The following RIMS1 variants were observed in gnomAD, a reference collection of about 807,000 sequenced individuals.
RIMS1 encodes regulating synaptic membrane exocytosis 1.
A neutral mutation model predicts 214.1 loss-of-function variants in RIMS1; 83 were observed. The observed-to-expected ratio is 0.39, with a 90% CI of 0.32 to 0.47. RIMS1 has a LOEUF of 0.47. RIMS1 is among the 20% of genes least tolerant of loss of function. The probability of loss-of-function intolerance (pLI) is 0.99; values close to 1 mark genes in which losing one functional copy is unlikely to be tolerated. For synonymous variants in RIMS1, 793 were observed against 786.8 expected, an observed-to-expected ratio of 1.01 and a Z score of -0.13; for missense variants, 2,050 against 2,161.8, an observed-to-expected ratio of 0.95 and a Z score of 1.03.
rs144191085 is a variant in RIMS1 at position 72,126,581 on chromosome 6, CA to C, written c.471+26605del. On this transcript the variant is annotated intron_variant, in intron 4 of 33. Coordinates refer to ENST00000521978, the MANE Select transcript of RIMS1 (RefSeq NM_014989.7). The stretch of plus-strand genomic sequence containing the variant: ...AACTCAAACAAATCAACAAGAAAAA[CA>C]AAAAAAAAATAATTCCATCAAAACA... The C allele has an allele frequency of 3.6e-3, 577 of 160,024 alleles. 1 individual carries two copies. Among genetic ancestry groups the C allele is most frequent in the South Asian group, 0.013 (94 of 7,078 alleles). 9.9% of individuals were successfully genotyped at this position (160,024 alleles called of 1,614,324 possible). A position where few individuals can be genotyped will look rare whatever the true frequency, so the allele number is the denominator to read the frequency against.
At chr6:72,065,297 G>A (rs1217759402) in intron 2 of RIMS1, among the ~76,000 whole-genome samples, 1 of 152,054 alleles carries the variant, frequency 6.6e-6, no homozygotes, top group East Asian at 1.9e-4. Flanking sequence ...GACAGAAGAA[G>A]GAATTATTTT....
intron 23 of RIMS1, among the ~76,000 whole-genome samples, chr6:72,276,930 A>G (rs1199839334): frequency 6.6e-6 from 1 of 152,218 alleles, no homozygotes; most frequent in Non-Finnish European, 1.5e-5. Context: ...TGTTCATAAG[A>G]ATTTCAGCGT....
chr6:72,208,955 G>C (rs2053369971), intron 6 of RIMS1, among the ~76,000 whole-genome samples: 1 of 152,110 alleles, frequency 6.6e-6, no homozygotes, highest in African/African-American at 2.4e-5. Context: ...TCAGGGTCTG[G>C]AAGCTTTAGG....
In RIMS1 at chr6:72,307,356, G is replaced by C; in HGVS notation, c.3949G>C (p.Glu1317Gln). The part of the protein sequence containing the change: ...GSGSSQELDR[E>Q]QYSKYNIHKD... ...TGGTTCTAGTCAAGAACTTGATCGC[G>C]AGCAATATTCCAAGGTAAAATTAGT... The change falls in exon 27 of 34, where the codon GAG becomes CAG. Residue 1317 changes from glutamate to glutamine, a missense_variant. By Grantham distance (29) the Glu-to-Gln change is conservative (BLOSUM62 2). Coordinates refer to ENST00000521978, the MANE Select transcript of RIMS1 (RefSeq NM_014989.7). 1 of 1,595,130 alleles carries C rather than the reference G, an allele frequency of 6.3e-7. No homozygotes were observed. Among genetic ancestry groups the C allele is most frequent in the Non-Finnish European group, 8.6e-7 (1 of 1,169,456 alleles).
intron 2 of RIMS1, among the ~76,000 whole-genome samples, chr6:72,008,729 G>A (rs1232054193): frequency 6.6e-6 from 1 of 152,028 alleles, no homozygotes; most frequent in African/African-American, 2.4e-5. Context: ...GACAAAGAAG[G>A]CCATTACATA....
chr6:72,022,937 A>C (rs1815186006), intron 2 of RIMS1, among the ~76,000 whole-genome samples: 1 of 152,196 alleles, frequency 6.6e-6, no homozygotes, highest in Admixed American at 6.5e-5. Flanking sequence ...GATTTTTATA[A>C]GTGACATTAA....
In RIMS1 at chr6:72,367,751, C is replaced by T. The variant is rs549440330; in HGVS notation, c.4367-22847C>T. Among the ~76,000 whole-genome samples the T allele has an allele frequency of 3.3e-5, 5 of 152,254 alleles. No homozygotes were observed. In the South Asian group the frequency reaches 1.0e-3, roughly 32 times the overall value. On this transcript the variant is annotated intron_variant, in intron 29 of 33. Transcript: ENST00000521978. ...GACTAAACATATAATCTGTGCAGTA[C>T]TATCCATATTTATCAGTAACTTCCT...
intron 4 of RIMS1, among the ~76,000 whole-genome samples, chr6:72,117,434 C>G (rs984894290): frequency 2.0e-5 from 3 of 151,920 alleles, no homozygotes; most frequent in African/African-American, 7.2e-5. Context: ...TTGACTTTCT[C>G]TCTTGATGAT....
At chr6:72,119,811 AC>A (rs1290762534) in intron 4 of RIMS1, among the ~76,000 whole-genome samples, 1 of 151,290 alleles carries the variant, frequency 6.6e-6, no homozygotes, top group South Asian at 2.1e-4. Flanking sequence ...CACTCCCCCA[AC>A]CCCACAACAG....
At chr6:72,217,346 A>G (rs2056594496) in intron 6 of RIMS1, 1 of 1,035,452 alleles carries the variant, frequency 9.7e-7, no homozygotes, top group African/African-American at 1.6e-5. Context: ...TTTAGATTCT[A>G]TCAGTAGAGA....
chr6:72,110,797 T>G (rs377067057), intron 4 of RIMS1, among the ~76,000 whole-genome samples: 9,098 of 151,844 alleles, frequency 0.06, 344 homozygotes, highest in Middle Eastern at 0.1. Flanking sequence ...CAAAGGGAAT[T>G]CTTCCAGTTT....
intron 29 of RIMS1, among the ~76,000 whole-genome samples, chr6:72,379,048 A>G (rs973015919): frequency 2.3e-4 from 35 of 152,208 alleles, no homozygotes; most frequent in Non-Finnish European, 5.0e-4. Flanking sequence ...AGAGGACTAA[A>G]ATGTTCTATC....
At chr6:72,289,903 T>TA (rs1345165480) in intron 24 of RIMS1, among the ~76,000 whole-genome samples, 2 of 152,170 alleles carry the variant, frequency 1.3e-5, no homozygotes, top group African/African-American at 2.4e-5. Flanking sequence ...AAGCATGCAT[T>TA]AAAAAAATAA....
chr6:72,109,625 A>T (rs907667023), intron 4 of RIMS1, among the ~76,000 whole-genome samples: 14 of 151,712 alleles, frequency 9.2e-5, no homozygotes, highest in African/African-American at 3.1e-4. Flanking sequence ...GAGTAGGTTG[A>T]GAAAATTTTC....
chr6:72,397,082 A>G (rs2098788233), intron 31 of RIMS1, among the ~76,000 whole-genome samples: 1 of 152,154 alleles, frequency 6.6e-6, no homozygotes, highest in African/African-American at 2.4e-5. Flanking sequence ...GTTAAAAAAT[A>G]TAACCTACCA....
intron 1 of RIMS1, among the ~76,000 whole-genome samples, chr6:71,898,922 A>AT (rs1297218250): frequency 6.6e-6 from 1 of 151,698 alleles, no homozygotes; most frequent in African/African-American, 2.4e-5. Flanking sequence ...CAAACATTTA[A>AT]TTTTTTTCAT....
intron 4 of RIMS1, among the ~76,000 whole-genome samples, chr6:72,157,344 C>T (rs1186425921): frequency 7.1e-6 from 1 of 140,134 alleles, no homozygotes; most frequent in Non-Finnish European, 1.6e-5. Context: ...CTTCTATATC[C>T]TTGCTGTTTT....
At chr6:72,247,960 A>T in intron 11 of RIMS1, 55 bp from the exon 12 acceptor site, 1 of 1,166,132 alleles carries the variant, frequency 8.6e-7, no homozygotes, top group Non-Finnish European at 1.3e-6. Flanking sequence ...TTAACATTTT[A>T]TTAAAAATAT....
intron 2 of RIMS1, among the ~76,000 whole-genome samples, chr6:72,026,102 G>A (rs531419857): frequency 8.5e-4 from 130 of 152,234 alleles, no homozygotes; most frequent in Middle Eastern, 3.4e-3. Context: ...CCAGCCCTGC[G>A]TCAATGCAGA....
Sources: allele counts gnomAD v4.1 joint callset (sites outside exome capture counted in the v4.1 genomes callset), GRCh38; gene constraint gnomAD v4.1.1; transcripts MANE v1.5; gene names NCBI Gene and HGNC (gene_info 2026-07-23, HGNC 2026-07-21).